The following NR1H2 variants were observed in gnomAD, a reference collection of about 807,000 sequenced individuals.
The protein encoded by NR1H2 is nuclear receptor subfamily 1 group H member 2.
Under a neutral mutation model 51.2 loss-of-function variants are expected in NR1H2, and 33 were observed. That is an observed-to-expected ratio of 0.64 (90% CI 0.49 to 0.86). The LOEUF (loss-of-function observed/expected upper bound fraction) is 0.86, where lower values mean the gene tolerates loss of function less well. Among genes scored for constraint, NR1H2 ranks in the 40% least tolerant of loss-of-function variants. The pLI is 0.00. For missense variants in NR1H2, 592 were observed against 639.9 expected, an observed-to-expected ratio of 0.93 and a Z score of 0.81; for synonymous variants, 310 against 264.3, an observed-to-expected ratio of 1.17 and a Z score of -1.68.
chr19:50,378,031 A>G, intron 4 of NR1H2, 118 bp from the exon 5 acceptor site: 1 of 1,403,106 alleles, frequency 7.1e-7, no homozygotes, highest in Non-Finnish European at 9.6e-7. Flanking sequence ...GAATGTGAGC[A>G]GCAACTCCTC....
rs779595111 is a variant in NR1H2 at position 50,378,287 on chromosome 19, G to T, written c.320G>T (p.Cys107Phe). 6.2e-7 allele frequency: 1 copy of T among 1,613,480 alleles called. No homozygotes were observed. Among genetic ancestry groups the T allele is most frequent in the South Asian group, 1.1e-5 (1 of 91,088 alleles). The change falls in exon 5 of 10, where the codon TGC becomes TTC. Residue 107 changes from cysteine to phenylalanine, a missense_variant. Cys to Phe is a radical substitution (Grantham distance 205). Transcript: ENST00000253727. ...FHYNVLSCEG[C>F]KGFFRRSVVR... ...TACAACGTGCTCAGCTGCGAAGGCTGCAAGGGCTTCTTCCGGCGCAGTGTG... is the reference window on the plus strand; with the variant it reads ...TACAACGTGCTCAGCTGCGAAGGCTTCAAGGGCTTCTTCCGGCGCAGTGTG...
At position 50,381,989 on chromosome 19, in the gene NR1H2, C is replaced by T; in HGVS notation, c.1051C>T (p.Pro351Ser). 1 of 1,562,488 alleles carries T rather than the reference C, an allele frequency of 6.4e-7. No individual in the cohort carries two copies. The highest frequency in any genetic ancestry group is 8.7e-7 in the Non-Finnish European group (1 of 1,152,916). The change falls in exon 9 of 10, where the codon CCC becomes TCC. Residue 351 changes from proline (P) to serine (S), a missense_variant. Around this residue, in one of 3 missense-constraint regions of NR1H2, gnomAD observed 174 missense variants for 174.0 expected, o/e 1.00. Coordinates refer to ENST00000253727, the MANE Select transcript of NR1H2 (RefSeq NM_007121.7). Reference sequence around the variant, plus strand: ...AGGCCTGCAGGTGGAGTTCATCAACCCCATCTTCGAGTTCTCGCGGGCCAT... The same window carrying T: ...AGGCCTGCAGGTGGAGTTCATCAACTCCATCTTCGAGTTCTCGCGGGCCAT... ...RAGLQVEFIN[P>S]IFEFSRAMRR... is the part of the protein sequence containing the mutation.
At chr19:50,378,857 A>G (rs1355619694) in intron 6 of NR1H2, 61 bp downstream of exon 6, 16 of 1,578,958 alleles carry the variant, frequency 1.0e-5, no homozygotes, top group Non-Finnish European at 1.4e-5. Context: ...CAGCTGGGCC[A>G]TCACCCAGGG....
At chr19:50,377,998 T>C (rs1315566912) in intron 4 of NR1H2, 128 bp downstream of exon 4, 2 of 1,425,428 alleles carry the variant, frequency 1.4e-6, no homozygotes, top group Admixed American at 2.3e-5. Context: ...AACATATACA[T>C]CTTTCTAAAT....
rs1353856689 is a variant in NR1H2 at position 50,383,290 on chromosome 19, GAAC to G, written c.*694_*696del. On this transcript the variant is annotated 3_prime_UTR_variant, in exon 10 of 10. Transcript: ENST00000253727. ...AATGAGGGGACCTGGACTTCTGTCC[GAAC>G]AACAAGTGTTTGCTGAGGCCTCCTG... 4.6e-5 allele frequency among the ~76,000 whole-genome samples: 7 copies of G among 152,338 alleles called. No individual in the cohort carries two copies. The highest frequency in any genetic ancestry group is 3.9e-4 in the East Asian group (2 of 5,184).
chr19:50,377,914 T>A (rs1474902110), intron 4 of NR1H2, 44 bp downstream of exon 4: 1 of 1,503,752 alleles, frequency 6.7e-7, no homozygotes, highest in South Asian at 1.3e-5. Flanking sequence ...TGGGGAGGGG[T>A]TTAGGAAGGG....
At chr19:50,379,447 A>G (rs1345733160) in intron 7 of NR1H2, among the ~76,000 whole-genome samples, 5 of 152,204 alleles carry the variant, frequency 3.3e-5, no homozygotes, top group Non-Finnish European at 2.9e-5. Context: ...ACATATAAGT[A>G]TTGAGCACGT....
chr19:50,379,662 G>T, intron 7 of NR1H2, 118 bp from the exon 8 acceptor site: 1 of 701,982 alleles, frequency 1.4e-6, no homozygotes, highest in Non-Finnish European at 2.6e-6. Context: ...AGAGAACAGG[G>T]GGGAAGGGGA....
Position 50,378,604 on chromosome 19 carries a change from G to T in NR1H2, c.555G>T (p.Val185=). The part of the protein sequence containing the change: ...QESQSQSQSP[V]GPQGSSSSAS... ...CACAGTCACAGTCGCAGTCACCTGTGGGGCCGCAGGGCAGCAGCAGCTCAG... is the reference window on the plus strand; with the variant it reads ...CACAGTCACAGTCGCAGTCACCTGTTGGGCCGCAGGGCAGCAGCAGCTCAG... The change falls in exon 6 of 10, where the codon GTG becomes GTT. Residue 185 remains valine (V), a synonymous_variant. Coordinates refer to ENST00000253727, the MANE Select transcript of NR1H2 (RefSeq NM_007121.7). 1 of 1,613,910 alleles carries T rather than the reference G, an allele frequency of 6.2e-7. No homozygotes were observed. The highest frequency in any genetic ancestry group is 8.5e-7 in the Non-Finnish European group (1 of 1,179,866).
chr19:50,377,544 C>A (rs1023470726), intron 2 of NR1H2, 43 bp from the exon 3 acceptor site: 2 of 1,524,434 alleles, frequency 1.3e-6, no homozygotes, highest in East Asian at 2.3e-5. Flanking sequence ...CTAACCTAAC[C>A]CTTCTTAGCC....
chr19:50,379,098 G>A lies in NR1H2; in HGVS notation c.844G>A (p.Val282Met). 1 of 1,614,048 alleles carries A rather than the reference G, an allele frequency of 6.2e-7. No homozygotes were observed. Among genetic ancestry groups the A allele is most frequent in the Non-Finnish European group, 8.5e-7 (1 of 1,180,024 alleles). The change falls in exon 7 of 10, where the codon GTG (valine) becomes ATG (methionine). Residue 282 changes from valine (V) to methionine (M), a missense_variant. Val to Met is a conservative substitution (Grantham distance 21). Transcript: ENST00000253727. ...ELAIISVQEI[V>M]DFAKQVPGFL... ...GGCCATCATCTCAGTCCAGGAGATC[G>A]TGGACTTCGCTAAGCAAGTGCCTGG...
Position 50,382,498 on chromosome 19 carries a change from C to T in NR1H2, c.1279C>T (p.Leu427=), listed in dbSNP as rs1335131839. 8 of 1,610,712 alleles carry T rather than the reference C, an allele frequency of 5.0e-6. No individual in the cohort carries two copies. The South Asian group carries it at 8.8e-5, about 18-fold the overall frequency. Residue 427 remains leucine, a synonymous_variant, in exon 10 of 10, where the codon CTG becomes TTG. Transcript: ENST00000253727. ...FPRMLMKLVS[L]RTLSSVHSEQ... is the part of the protein sequence containing the mutation. Reference sequence around the variant, plus strand: ...GCGCATGCTCATGAAGCTGGTGAGCCTGCGCACGCTGAGCTCTGTGCACTC... The same window carrying T: ...GCGCATGCTCATGAAGCTGGTGAGCTTGCGCACGCTGAGCTCTGTGCACTC...
chr19:50,379,768 T>C lies in NR1H2; in HGVS notation c.928-12T>C. ...ACAGGGCTCAAGCTCCCCCTCCCGCTGCCGCCCTTAGATCATGCTGCTAGA... is the reference window on the plus strand; with the variant it reads ...ACAGGGCTCAAGCTCCCCCTCCCGCCGCCGCCCTTAGATCATGCTGCTAGA... On this transcript the variant is annotated splice_polypyrimidine_tract_variant and intron_variant, in intron 7 of 9. Transcript: ENST00000253727. 1 of 1,597,708 alleles carries C rather than the reference T, an allele frequency of 6.3e-7. No individual in the cohort carries two copies. The highest frequency in any genetic ancestry group is 8.6e-7 in the Non-Finnish European group (1 of 1,165,134).
At position 50,378,744 on chromosome 19, in the gene NR1H2, C is replaced by CG. The variant is rs1568594753; in HGVS notation, c.697dup (p.Ala233GlyfsTer54). 1 of 1,613,816 alleles carries CG rather than the reference C, an allele frequency of 6.2e-7. No homozygotes were observed. Among genetic ancestry groups the CG allele is most frequent in the African/African-American group, 1.3e-5 (1 of 75,048 alleles). On this transcript the variant is annotated frameshift_variant, in exon 6 of 10. Transcript: ENST00000253727. LOFTEE classifies it high-confidence loss of function. ...GAACTAATGATCCAGCAGTTGGTGGCGGCCCAACTGCAGTGCAACAAACGC... is the reference window on the plus strand; with the variant it reads ...GAACTAATGATCCAGCAGTTGGTGGCGGGCCCAACTGCAGTGCAACAAACGC...
intron 9 of NR1H2, 117 bp downstream of exon 9, chr19:50,382,291 C>T (rs1306127631): frequency 1.1e-5 from 15 of 1,334,508 alleles, no homozygotes; most frequent in Non-Finnish European, 1.5e-5. Flanking sequence ...TTTCCTCAGG[C>T]CCCACCCTGC....
chr19:50,380,359 C>T (rs2037746003), intron 8 of NR1H2, among the ~76,000 whole-genome samples: 1 of 152,156 alleles, frequency 6.6e-6, no homozygotes, highest in African/African-American at 2.4e-5. Context: ...GCCTTCTTTA[C>T]TGTCTAGGGG....
At position 50,382,055 on chromosome 19, in the gene NR1H2, A is replaced by G. The variant is rs1463922429; in HGVS notation, c.1117A>G (p.Ile373Val). ...GGACGACGCTGAGTACGCCCTGCTCATCGCCATCAACATCTTCTCGGCCGA... is the reference window on the plus strand; with the variant it reads ...GGACGACGCTGAGTACGCCCTGCTCGTCGCCATCAACATCTTCTCGGCCGA... Reference protein sequence around the residue: ...GLDDAEYALLIAINIFSADRP... With the variant: ...GLDDAEYALLVAINIFSADRP... The change falls in exon 9 of 10, where the codon ATC (isoleucine) becomes GTC (valine). Residue 373 changes from isoleucine (I) to valine (V), a missense_variant. Coordinates refer to ENST00000253727, the MANE Select transcript of NR1H2 (RefSeq NM_007121.7). 1 of 1,559,606 alleles carries G rather than the reference A, an allele frequency of 6.4e-7. No individual in the cohort carries two copies.
At position 50,382,631 on chromosome 19, in the gene NR1H2, G is replaced by T. The variant is rs748501274; in HGVS notation, c.*29G>T. On this transcript the variant is annotated 3_prime_UTR_variant, in exon 10 of 10. Transcript: ENST00000253727. The stretch of plus-strand genomic sequence containing the variant: ...GCTGGCCACCCAGCCCCACAGCCTT[G>T]CCTGACCACCCTCCAGCAGATAGAC... 2.0e-6 allele frequency: 3 copies of T among 1,525,018 alleles called. No individual in the cohort carries two copies. Among genetic ancestry groups the T allele is most frequent in the Admixed American group, 2.1e-5 (1 of 48,224 alleles). 94.5% of individuals were successfully genotyped at this position (1,525,018 alleles called of 1,614,324 possible).
intron 8 of NR1H2, among the ~76,000 whole-genome samples, chr19:50,380,282 G>A (rs983460240): frequency 5.9e-5 from 9 of 152,232 alleles, no homozygotes; most frequent in East Asian, 1.9e-4. Context: ...AGCATTCCCC[G>A]CCCCCGCCAA....
Sources: allele counts gnomAD v4.1 joint callset (sites outside exome capture counted in the v4.1 genomes callset), GRCh38; gene constraint gnomAD v4.1.1; regional missense constraint gnomAD v4.1.1; transcripts MANE v1.5; gene names NCBI Gene and HGNC (gene_info 2026-07-23, HGNC 2026-07-21).